The following GC variants were observed in gnomAD, a reference collection of about 807,000 sequenced individuals.
The protein encoded by GC is GC vitamin D binding protein.
In GC, 43 loss-of-function variants were observed where a neutral mutation model predicts 56.7. The ratio of observed to expected loss-of-function variants is 0.76; its 90% CI spans 0.59 to 0.98. The LOEUF is 0.98. Ranked by LOEUF, GC falls within the 50% of genes least tolerant of loss-of-function variation. GC has a pLI of 0.00. For synonymous variants in GC, 216 were observed against 202.7 expected (o/e 1.07, Z -0.56); for missense variants, 529 against 545.9 (o/e 0.97, Z 0.31).
chr4:71,750,241 A>C (rs562567540), intron 11 of GC, among the ~76,000 whole-genome samples: 1 of 152,340 alleles, frequency 6.6e-6, no homozygotes, highest in Non-Finnish European at 1.5e-5. Flanking sequence ...ATTGCAGGAG[A>C]AATTACAAAG....
At chr4:71,792,276 C>G (rs570381609) in intron 1 of GC, among the ~76,000 whole-genome samples, 1 of 152,276 alleles carries the variant, frequency 6.6e-6, no homozygotes, top group East Asian at 1.9e-4. Context: ...ATTTACACTC[C>G]CACCAACAGT....
At chr4:71,779,360 A>G (rs750544406) in intron 1 of GC, among the ~76,000 whole-genome samples, 6 of 151,814 alleles carry the variant, frequency 4.0e-5, no homozygotes, top group South Asian at 2.1e-4. Context: ...TATTTGTGGT[A>G]GGTTGGCTAG....
At chr4:71,762,546 C>A (rs1022048366) in intron 6 of GC, among the ~76,000 whole-genome samples, 3 of 152,040 alleles carry the variant, frequency 2.0e-5, no homozygotes, top group Non-Finnish European at 2.9e-5. Context: ...TTGGGAAGTG[C>A]CAGGGGTGGG....
At chr4:71,795,585 A>G (rs866623098) in intron 1 of GC, among the ~76,000 whole-genome samples, 16 of 152,190 alleles carry the variant, frequency 1.1e-4, no homozygotes, top group African/African-American at 3.6e-4. Flanking sequence ...AATACAGCAC[A>G]CTGATGGGTC....
At chr4:71,781,499 T>A (rs978885827) in intron 1 of GC, among the ~76,000 whole-genome samples, 1 of 151,896 alleles carries the variant, frequency 6.6e-6, no homozygotes, top group Non-Finnish European at 1.5e-5. Flanking sequence ...TTTTTTGCTG[T>A]AGTTTAATTT....
At chr4:71,779,881 A>T (rs1446899302) in intron 1 of GC, among the ~76,000 whole-genome samples, 1 of 151,834 alleles carries the variant, frequency 6.6e-6, no homozygotes, top group African/African-American at 2.4e-5. Flanking sequence ...AAGAGAAGGA[A>T]AAGTGTAGCT....
intron 12 of GC, among the ~76,000 whole-genome samples, chr4:71,744,089 A>C (rs1741271904): frequency 6.6e-6 from 1 of 152,106 alleles, no homozygotes; most frequent in Non-Finnish European, 1.5e-5. Context: ...TCAGTATATT[A>C]GAATCTTCAT....
intron 1 of GC, among the ~76,000 whole-genome samples, chr4:71,772,678 T>TA (rs1742377330): frequency 6.6e-6 from 1 of 152,122 alleles, no homozygotes; most frequent in African/African-American, 2.4e-5. Flanking sequence ...GAATAAGGCT[T>TA]AAAGAGGTTT....
chr4:71,776,780 A>T (rs552120379), intron 1 of GC, among the ~76,000 whole-genome samples: 1 of 152,050 alleles, frequency 6.6e-6, no homozygotes, highest in African/African-American at 2.4e-5. Context: ...TTGCCAATTA[A>T]AAAACAGTAC....
intron 10 of GC, among the ~76,000 whole-genome samples, chr4:71,754,111 T>C (rs1263147849): frequency 6.6e-6 from 1 of 152,180 alleles, no homozygotes; most frequent in Non-Finnish European, 1.5e-5. Context: ...GTTACATGGA[T>C]GTATGGCATA....
chr4:71,777,213 T>A (rs1282081867), intron 1 of GC, among the ~76,000 whole-genome samples: 3 of 151,814 alleles, frequency 2.0e-5, no homozygotes, highest in African/African-American at 7.2e-5. Context: ...TCTTATTAAA[T>A]CCCAGTAAGA....
At chr4:71,763,190 G>A (rs556391732) in intron 6 of GC, among the ~76,000 whole-genome samples, 1 of 152,116 alleles carries the variant, frequency 6.6e-6, no homozygotes, top group Admixed American at 6.6e-5. Context: ...TTGATTAAAA[G>A]CAAATCTCAT....
At chr4:71,777,099 T>C (rs1212795539) in intron 1 of GC, among the ~76,000 whole-genome samples, 1 of 151,808 alleles carries the variant, frequency 6.6e-6, no homozygotes, top group African/African-American at 2.4e-5. Flanking sequence ...GATATTTATA[T>C]ATTAATTTTT....
At chr4:71,793,367 T>A (rs937829410) in intron 1 of GC, among the ~76,000 whole-genome samples, 2 of 152,172 alleles carry the variant, frequency 1.3e-5, no homozygotes, top group Non-Finnish European at 2.9e-5. Flanking sequence ...CTTGAAGAGG[T>A]CCTTCACATC....
At chr4:71,805,087 G>C (rs1024836154), upstream of GC, among the ~76,000 whole-genome samples, 4 of 152,054 alleles carry the variant, frequency 2.6e-5, no homozygotes, top group Non-Finnish European at 5.9e-5. Flanking sequence ...CTGCCCACTT[G>C]TTCCCAGAGC....
At chr4:71,779,880 A>G (rs1308377792) in intron 1 of GC, among the ~76,000 whole-genome samples, 1 of 151,850 alleles carries the variant, frequency 6.6e-6, no homozygotes, top group Non-Finnish European at 1.5e-5. Flanking sequence ...GAAGAGAAGG[A>G]AAAGTGTAGC....
intron 6 of GC, among the ~76,000 whole-genome samples, chr4:71,758,968 CCTTT>C (rs1022429502): frequency 1.3e-5 from 2 of 152,168 alleles, no homozygotes; most frequent in Admixed American, 1.3e-4. Flanking sequence ...TTGGCAACCA[CCTTT>C]CTATTTTCTG....
At chr4:71,804,230 C>T (rs1743312125), upstream of GC, among the ~76,000 whole-genome samples, 1 of 152,172 alleles carries the variant, frequency 6.6e-6, no homozygotes, top group Non-Finnish European at 1.5e-5. Context: ...AATGAGCCGT[C>T]CTGAACAGCT....
intron 11 of GC, among the ~76,000 whole-genome samples, chr4:71,747,646 T>C (rs1318970752): frequency 1.3e-5 from 2 of 152,122 alleles, no homozygotes; most frequent in Non-Finnish European, 2.9e-5. Flanking sequence ...AAAGCCAGAC[T>C]GCAAAGGGTT....
Sources: allele counts gnomAD v4.1 joint callset (sites outside exome capture counted in the v4.1 genomes callset), GRCh38; gene constraint gnomAD v4.1.1; transcripts MANE v1.5; gene names NCBI Gene and HGNC (gene_info 2026-07-23, HGNC 2026-07-21).